Variants in HERC6 observed in about 807,000 individuals in gnomAD.
HERC6 encodes the protein HECT and RLD domain containing E3 ubiquitin protein ligase family member 6.
Under a neutral mutation model 114.5 loss-of-function variants are expected in HERC6, and 101 were observed. The ratio of observed to expected loss-of-function variants is 0.88; its 90% CI spans 0.75 to 1.04. The LOEUF (loss-of-function observed/expected upper bound fraction) is 1.04, where lower values mean the gene tolerates loss of function less well. Ranked by LOEUF, HERC6 falls within the 50% of genes least tolerant of loss-of-function variation. HERC6 has a pLI of 0.00. For missense variants in HERC6, 1,133 were observed against 1,230.9 expected (o/e 0.92, Z 1.19); for synonymous variants, 408 against 436.2 (o/e 0.94, Z 0.81).
Position 88,440,135 on chromosome 4 carries a change from T to G in HERC6, c.2740-13T>G, listed in dbSNP as rs1265337592. 6.2e-7 allele frequency: 1 copy of G among 1,605,056 alleles called. No homozygotes were observed. The highest frequency in any genetic ancestry group is 2.2e-5 in the East Asian group (1 of 44,796). On this transcript the variant is annotated splice_polypyrimidine_tract_variant and intron_variant, in intron 21 of 22. Coordinates refer to ENST00000264346, the MANE Select transcript of HERC6 (RefSeq NM_017912.4). ...ACCCCACTCAAATCATTTTTCTCCC[T>G]CTTTCTCTCAAGAATTCAAAGTATG...
chr4:88,390,639 G>T lies in HERC6; in HGVS notation c.437-13G>T, dbSNP rs776175289. 1.7e-5 allele frequency: 27 copies of T among 1,578,320 alleles called. No homozygotes were observed. Among genetic ancestry groups the T allele is most frequent in the Admixed American group, 1.4e-4 (8 of 56,354 alleles). On this transcript the variant is annotated splice_polypyrimidine_tract_variant and intron_variant, in intron 3 of 22. Transcript: ENST00000264346. ...ATATGTGTACAATTCTTAATTTCTCGTCTTTGTTGTAGATAGCCAAGTGTT... is the reference window on the plus strand; with the variant it reads ...ATATGTGTACAATTCTTAATTTCTCTTCTTTGTTGTAGATAGCCAAGTGTT...
intron 7 of HERC6, among the ~76,000 whole-genome samples, chr4:88,397,856 A>C (rs1053107144): frequency 1.3e-5 from 2 of 152,226 alleles, no homozygotes; most frequent in African/African-American, 4.8e-5. Flanking sequence ...ATATTTAATC[A>C]AATCTCTTCT....
At chr4:88,424,188 T>C (rs1737356810) in intron 14 of HERC6, among the ~76,000 whole-genome samples, 1 of 152,190 alleles carries the variant, frequency 6.6e-6, no homozygotes, top group African/African-American at 2.4e-5. Flanking sequence ...GTAATTCGGA[T>C]TCTTACAGAT....
Position 88,396,988 on chromosome 4 carries a change from G to A in HERC6, c.1024+1G>A. ...ATTAGCTGCCTGATTTCTGCTGAAG[G>A]TGTGAATCCCACTAATTCATGATTT... On this transcript the variant is annotated splice_donor_variant, in intron 7 of 22. Coordinates refer to ENST00000264346, the MANE Select transcript of HERC6 (RefSeq NM_017912.4). LOFTEE classifies it high-confidence loss of function. 6.2e-7 allele frequency: 1 copy of A among 1,608,884 alleles called. No homozygotes were observed. Among genetic ancestry groups the A allele is most frequent in the South Asian group, 1.1e-5 (1 of 90,496 alleles).
At chr4:88,432,178 T>C (rs543154307) in intron 17 of HERC6, among the ~76,000 whole-genome samples, 5 of 152,158 alleles carry the variant, frequency 3.3e-5, no homozygotes, top group Non-Finnish European at 7.4e-5. Context: ...TTTAAAATAT[T>C]GTTTGAAATT....
chr4:88,380,627 G>A (rs1049084376), intron 1 of HERC6, among the ~76,000 whole-genome samples: 3 of 148,616 alleles, frequency 2.0e-5, no homozygotes, highest in Non-Finnish European at 4.4e-5. Flanking sequence ...TGAGGCAGGG[G>A]AATCGCTTGA....
At chr4:88,421,295 T>C (rs1396839338) in intron 13 of HERC6, among the ~76,000 whole-genome samples, 1 of 152,186 alleles carries the variant, frequency 6.6e-6, no homozygotes, top group Non-Finnish European at 1.5e-5. Flanking sequence ...ATTTCCCGTA[T>C]ATACCCAAGA....
chr4:88,416,457 T>G (rs1736488334), intron 12 of HERC6, among the ~76,000 whole-genome samples: 1 of 152,120 alleles, frequency 6.6e-6, no homozygotes, highest in Non-Finnish European at 1.5e-5. Context: ...TTTTTTTTAC[T>G]TTGTGGTATT....
chr4:88,383,594 A>G (rs1392485560), intron 2 of HERC6, among the ~76,000 whole-genome samples: 2 of 151,782 alleles, frequency 1.3e-5, no homozygotes. Context: ...GCCCCTCTCT[A>G]CAAAAAAGAC....
chr4:88,403,941 A>G (rs1735675001), intron 8 of HERC6, among the ~76,000 whole-genome samples: 1 of 152,134 alleles, frequency 6.6e-6, no homozygotes, highest in African/African-American at 2.4e-5. Flanking sequence ...AACTGTCACC[A>G]TTATCCATCT....
chr4:88,384,229 G>T (rs543919583), intron 2 of HERC6, among the ~76,000 whole-genome samples: 1 of 152,256 alleles, frequency 6.6e-6, no homozygotes, highest in East Asian at 1.9e-4. Context: ...TTATTAAGGT[G>T]ACATATATAA....
At chr4:88,398,230 T>C in intron 8 of HERC6, 21 bp downstream of exon 8, 1 of 1,482,312 alleles carries the variant, frequency 6.7e-7, no homozygotes, top group Non-Finnish European at 9.1e-7. Flanking sequence ...TACTTTTTGT[T>C]CCTCTTAAAA....
chr4:88,381,554 C>CTTTTT (rs142058374), intron 1 of HERC6, among the ~76,000 whole-genome samples: 47 of 95,782 alleles, frequency 4.9e-4, no homozygotes, highest in Non-Finnish European at 7.2e-4. Context: ...CCCTTCTCTT[C>CTTTTT]TTTTTTTTTT....
At chr4:88,417,341 CTTACA>C in intron 12 of HERC6, 79 bp from the exon 13 acceptor site, 1 of 1,205,012 alleles carries the variant, frequency 8.3e-7, no homozygotes, top group Non-Finnish European at 1.2e-6. Context: ...TTATCTATTT[CTTACA>C]TTAAAGAACC....
At chr4:88,383,405 A>C in intron 2 of HERC6, 25 bp downstream of exon 2, 3 of 1,459,592 alleles carry the variant, frequency 2.1e-6, no homozygotes, top group South Asian at 1.5e-5. Context: ...CCACTCCTTC[A>C]TTTATTCAAT....
chr4:88,442,440 C>T lies in HERC6; in HGVS notation c.3049C>T (p.Pro1017Ser). 6.2e-7 allele frequency: 1 copy of T among 1,613,618 alleles called. No individual in the cohort carries two copies. The highest frequency in any genetic ancestry group is 1.3e-5 in the African/African-American group (1 of 75,062). Residue 1017 changes from proline to serine, a missense_variant, in exon 23 of 23, where the codon CCC becomes TCC. Physicochemically the swap from Pro to Ser is moderately conservative, Grantham distance 74 (BLOSUM62 -1). Around this residue, in one of 3 missense-constraint regions of HERC6, gnomAD observed 388 missense variants for 445.9 expected, o/e 0.87. Coordinates refer to ENST00000264346, the MANE Select transcript of HERC6 (RefSeq NM_017912.4). Reference sequence around the variant, plus strand: ...CAACAACAACAGAGGATTTGTCTCACCCATGCTCACACAGTCATAATCACC... The same window carrying T: ...CAACAACAACAGAGGATTTGTCTCATCCATGCTCACACAGTCATAATCACC... The part of the protein sequence containing the change: ...AINNNRGFVS[P>S]MLTQS
At chr4:88,404,744 AG>A (rs758210702) in intron 8 of HERC6, 131 bp from the exon 9 acceptor site, 20 of 1,173,104 alleles carry the variant, frequency 1.7e-5, no homozygotes, top group African/African-American at 3.1e-5. Context: ...CTGACGCCAA[AG>A]CTCCTCCCAC....
intron 3 of HERC6, among the ~76,000 whole-genome samples, chr4:88,387,146 C>T (rs1233331194): frequency 1.3e-5 from 2 of 152,164 alleles, no homozygotes; most frequent in Non-Finnish European, 2.9e-5. Context: ...CCTGTATTTC[C>T]AGCACTTAGG....
intron 4 of HERC6, among the ~76,000 whole-genome samples, chr4:88,393,080 C>T (rs1175319123): frequency 6.6e-6 from 1 of 151,876 alleles, no homozygotes; most frequent in African/African-American, 2.4e-5. Flanking sequence ...CAACAGATGG[C>T]AGTAGTATCA....
Sources: allele counts gnomAD v4.1 joint callset (sites outside exome capture counted in the v4.1 genomes callset), GRCh38; gene constraint gnomAD v4.1.1; regional missense constraint gnomAD v4.1.1; transcripts MANE v1.5; gene names NCBI Gene and HGNC (gene_info 2026-07-23, HGNC 2026-07-21).